Variants in CNMD observed in about 807,000 individuals in gnomAD.
The protein encoded by CNMD is leukocyte cell-derived chemotaxin 1.
Under a neutral mutation model 37.5 loss-of-function variants are expected in CNMD, and 30 were observed. That is an observed-to-expected ratio of 0.80 (90% CI 0.60 to 1.09). The LOEUF (loss-of-function observed/expected upper bound fraction) is 1.09, where lower values mean the gene tolerates loss of function less well. CNMD is among the 50% of genes least tolerant of loss of function. The pLI is 0.00. For missense variants in CNMD, 398 were observed against 423.9 expected, an observed-to-expected ratio of 0.94 and a Z score of 0.54; for synonymous variants, 167 against 148.2, an observed-to-expected ratio of 1.13 and a Z score of -0.92.
At chr13:52,721,594 G>T (rs149868052) in intron 4 of CNMD, among the ~76,000 whole-genome samples, 2,601 of 152,312 alleles carry the variant, frequency 0.017, 29 homozygotes, top group Non-Finnish European at 0.028. Context: ...GCCCCACCCT[G>T]CTTTGGCTTG....
intron 4 of CNMD, among the ~76,000 whole-genome samples, chr13:52,718,951 G>A (rs1244705173): frequency 2.0e-5 from 3 of 152,116 alleles, no homozygotes; most frequent in Non-Finnish European, 4.4e-5. Flanking sequence ...CTATTATTAT[G>A]TGGGAGTCTA....
intron 4 of CNMD, among the ~76,000 whole-genome samples, chr13:52,720,517 C>T (rs571406516): frequency 6.6e-6 from 1 of 152,122 alleles, no homozygotes; most frequent in Non-Finnish European, 1.5e-5. Flanking sequence ...GATGTTGATG[C>T]TATTCCTTTC....
chr13:52,716,229 G>A (rs1448651313), intron 4 of CNMD, among the ~76,000 whole-genome samples: 1 of 152,126 alleles, frequency 6.6e-6, no homozygotes, highest in Non-Finnish European at 1.5e-5. Flanking sequence ...TAAGTTCCTT[G>A]TAGATTCTGG....
chr13:52,706,756 G>T (rs2033680), intron 6 of CNMD, among the ~76,000 whole-genome samples: 143,689 of 151,878 alleles, frequency 0.95, 67,913 homozygotes, highest in East Asian at 0.99. Context: ...TGTGTCTGTG[G>T]GTGTGTACTT....
At chr13:52,722,896 T>A (rs1964506354) in intron 4 of CNMD, among the ~76,000 whole-genome samples, 1 of 152,060 alleles carries the variant, frequency 6.6e-6, no homozygotes. Flanking sequence ...TGGGAAGAAG[T>A]TGTAGGAGGA....
chr13:52,712,866 C>T lies in CNMD; in HGVS notation c.472G>A (p.Gly158Ser), dbSNP rs1466063982. The T allele has an allele frequency of 6.4e-7, 1 of 1,551,842 alleles. No homozygotes were observed. Among genetic ancestry groups the T allele is most frequent in the South Asian group, 1.3e-5 (1 of 79,088 alleles). Reference sequence around the variant, plus strand: ...TCATATTTGACTGGCATGATCTTGCCTTCCTGAAAGTAAAAACGATTGCAT... The same window carrying T: ...TCATATTTGACTGGCATGATCTTGCTTTCCTGAAAGTAAAAACGATTGCAT... ...TKQSISSKLE[G>S]KIMPVKYEEN... Residue 158 changes from glycine (G) to serine (S), a missense_variant, in exon 5 of 7, where the codon GGC (glycine) becomes AGC (serine). Transcript: ENST00000377962.
intron 3 of CNMD, among the ~76,000 whole-genome samples, chr13:52,727,709 T>A (rs1033103186): frequency 3.3e-5 from 5 of 152,006 alleles, no homozygotes; most frequent in South Asian, 2.1e-4. Flanking sequence ...GAAAGACAAA[T>A]GTCATATGTT....
intron 3 of CNMD, among the ~76,000 whole-genome samples, chr13:52,725,824 C>A (rs1327767532): frequency 6.6e-6 from 1 of 152,026 alleles, no homozygotes; most frequent in Non-Finnish European, 1.5e-5. Flanking sequence ...AAGATTCAGC[C>A]CTTTACAATG....
At position 52,735,848 on chromosome 13, in the gene CNMD, GA is replaced by G. The variant is rs1964750358; in HGVS notation, c.214-2490del. On this transcript the variant is annotated intron_variant, in intron 2 of 6. Transcript: ENST00000377962. Reference sequence around the variant, plus strand: ...CCACCTTTTTTTTTTTTTTTTTTTTGAGATGGAGTCTTGCTCTGTCACCCAA... The same window carrying G: ...CCACCTTTTTTTTTTTTTTTTTTTTGGATGGAGTCTTGCTCTGTCACCCAA... Among the ~76,000 whole-genome samples, 7 of 53,138 alleles carry G rather than the reference GA, an allele frequency of 1.3e-4. No individual in the cohort carries two copies. In the South Asian group the frequency reaches 3.2e-3, roughly 25 times the overall value. The allele number at this position is 53,138 out of a possible 152,430, so 34.9% of individuals were successfully genotyped here. A position where few individuals can be genotyped will look rare whatever the true frequency, so the allele number is the denominator to read the frequency against.
At chr13:52,722,294 G>A (rs1029967867) in intron 4 of CNMD, among the ~76,000 whole-genome samples, 1 of 152,120 alleles carries the variant, frequency 6.6e-6, no homozygotes, top group African/African-American at 2.4e-5. Context: ...GTTCTGTTTT[G>A]AGACACCGCC....
chr13:52,703,897 T>C, intron 6 of CNMD, 87 bp from the exon 7 acceptor site: 1 of 1,157,106 alleles, frequency 8.6e-7, no homozygotes. Context: ...ATTCTGAATT[T>C]TTCACTGCTA....
intron 4 of CNMD, among the ~76,000 whole-genome samples, 171 bp downstream of exon 4, chr13:52,723,826 A>G (rs1480521939): frequency 6.6e-6 from 1 of 152,090 alleles, no homozygotes; most frequent in Non-Finnish European, 1.5e-5. Context: ...CTGCTCAGGA[A>G]GCTGAGACAG....
intron 6 of CNMD, 73 bp from the exon 7 acceptor site, chr13:52,703,883 T>C: frequency 1.5e-6 from 2 of 1,353,916 alleles, no homozygotes; most frequent in Non-Finnish European, 2.1e-6. Flanking sequence ...TATTTTTAAA[T>C]AAGATTCTGA....
intron 4 of CNMD, among the ~76,000 whole-genome samples, chr13:52,714,334 G>GT (rs1185491294): frequency 6.6e-6 from 1 of 152,026 alleles, no homozygotes; most frequent in Non-Finnish European, 1.5e-5. Context: ...CCCGATTTGT[G>GT]TAAGTTACTC....
Position 52,735,723 on chromosome 13 carries a change from C to T in CNMD, c.214-2364G>A, listed in dbSNP as rs377319082. On this transcript the variant is annotated intron_variant, in intron 2 of 6. Transcript: ENST00000377962. ...TCTCATAATGTTTTAAGAAAGTTTACGAATTTGTGTTGGGTTGTATTCAAA... is the reference window on the plus strand; with the variant it reads ...TCTCATAATGTTTTAAGAAAGTTTATGAATTTGTGTTGGGTTGTATTCAAA... 8.6e-5 allele frequency among the ~76,000 whole-genome samples: 13 copies of T among 151,258 alleles called. 1 individual carries two copies. The East Asian group carries it at 1.2e-3, about 14-fold the overall frequency.
intron 3 of CNMD, among the ~76,000 whole-genome samples, chr13:52,731,298 T>C (rs1354349964): frequency 6.6e-6 from 1 of 152,148 alleles, no homozygotes; most frequent in Non-Finnish European, 1.5e-5. Context: ...GAGGGAAGGG[T>C]CCATCATTTT....
intron 4 of CNMD, among the ~76,000 whole-genome samples, chr13:52,714,740 A>G (rs1964341388): frequency 6.6e-6 from 1 of 152,132 alleles, no homozygotes; most frequent in South Asian, 2.1e-4. Context: ...AGCATGTACA[A>G]CAGGATAATT....
chr13:52,706,790 T>A (rs1964185431), intron 6 of CNMD, among the ~76,000 whole-genome samples: 1 of 152,070 alleles, frequency 6.6e-6, no homozygotes, highest in African/African-American at 2.4e-5. Context: ...GGACAAATAG[T>A]CATTGTTAAT....
At chr13:52,708,472 C>A (rs560924204) in intron 6 of CNMD, 64 bp downstream of exon 6, 21 of 1,474,348 alleles carry the variant, frequency 1.4e-5, no homozygotes, top group Non-Finnish European at 1.8e-5. Flanking sequence ...TAAGCCACCA[C>A]GCCCGGCCTT....
Sources: gnomAD v4.1 joint callset for allele counts (sites outside exome capture counted in the v4.1 genomes callset) on GRCh38, gnomAD v4.1.1 for gene constraint, MANE v1.5 for transcripts, NCBI Gene and HGNC (gene_info 2026-07-23, HGNC 2026-07-21) for gene names.